MACROH2A2: variants seen among roughly 807,000 people sequenced by gnomAD.
The protein encoded by MACROH2A2 is core histone macro-H2A.2.
MACROH2A2 carries 6 observed loss-of-function variants against 37.6 expected under a neutral mutation model. The observed-to-expected ratio is 0.16, with a 90% CI of 0.09 to 0.32. The LOEUF is 0.32. Among genes scored for constraint, MACROH2A2 ranks in the 10% least tolerant of loss-of-function variants. The pLI, the probability that MACROH2A2 is intolerant of heterozygous loss-of-function variation, is 1.00. For synonymous variants in MACROH2A2, 192 were observed against 202.7 expected, an observed-to-expected ratio of 0.95 and a Z score of 0.45; for missense variants, 290 against 485.9, an observed-to-expected ratio of 0.60 and a Z score of 3.79.
chr10:70,091,780 C>T lies in MACROH2A2; in HGVS notation c.303C>T (p.Ala101=). 1.2e-6 allele frequency: 2 copies of T among 1,613,986 alleles called. No individual in the cohort carries two copies. Among genetic ancestry groups the T allele is most frequent in the Non-Finnish European group, 1.7e-6 (2 of 1,179,922 alleles). The change falls in exon 4 of 9, where the codon GCC becomes GCT. Residue 101 remains alanine (A), a synonymous_variant. Coordinates refer to ENST00000373255, the MANE Select transcript of MACROH2A2 (RefSeq NM_018649.3). ...AGCTGCTAAAAGGAGTGACCATCGC[C>T]AGTGGAGGCGTCCTGCCCAGAATTC... The part of the protein sequence containing the change: ...LNQLLKGVTI[A]SGGVLPRIHP...
chr10:70,068,738 G>A (rs1044797553), intron 1 of MACROH2A2, among the ~76,000 whole-genome samples: 6 of 152,232 alleles, frequency 3.9e-5, no homozygotes, highest in Admixed American at 3.9e-4. Flanking sequence ...AACTATGGCT[G>A]TATTCAAGGG....
At chr10:70,064,627 C>G (rs2072068720) in intron 1 of MACROH2A2, among the ~76,000 whole-genome samples, 1 of 152,160 alleles carries the variant, frequency 6.6e-6, no homozygotes, top group South Asian at 2.1e-4. Flanking sequence ...CTTTCCTGTG[C>G]TATTCTCCTG....
intron 1 of MACROH2A2, among the ~76,000 whole-genome samples, chr10:70,061,464 T>TTA (rs1262157232): frequency 6.6e-6 from 1 of 152,306 alleles, no homozygotes; most frequent in African/African-American, 2.4e-5. Flanking sequence ...ACAAGCTACA[T>TTA]TATAGATCAA....
At position 70,075,753 on chromosome 10, in the gene MACROH2A2, T is replaced by C; in HGVS notation, c.95T>C (p.Leu32Pro). The C allele has an allele frequency of 1.2e-6, 2 of 1,614,068 alleles. No homozygotes were observed. The highest frequency in any genetic ancestry group is 1.7e-6 in the Non-Finnish European group (2 of 1,179,976). Residue 32 changes from leucine (L) to proline (P), a missense_variant, in exon 2 of 9, where the codon CTG becomes CCG. Leu to Pro is a moderately conservative substitution (Grantham distance 98, BLOSUM62 -3). Transcript: ENST00000373255. The surrounding 1 kb of genome is among the most constrained non-coding windows in gnomAD (Gnocchi z 5.0). ...IFPVGRLMRY[L>P]KKGTFKYRIS... The stretch of plus-strand genomic sequence containing the variant: ...CCAGTGGGGAGGCTGATGCGTTATC[T>C]GAAGAAAGGGACGTTCAAGTACCGG...
In MACROH2A2 at chr10:70,111,666, A is replaced by G. The variant is rs1336736638; in HGVS notation, c.1102A>G (p.Lys368Glu). 1 of 1,608,598 alleles carries G rather than the reference A, an allele frequency of 6.2e-7. No individual in the cohort carries two copies. Among genetic ancestry groups the G allele is most frequent in the Admixed American group, 1.7e-5 (1 of 59,626 alleles). ...SIGIYVQEMA[K>E]LDAK Reference sequence around the variant, plus strand: ...CGGCATCTACGTGCAGGAGATGGCCAAGCTCGACGCCAAGTAGCCGCCGCA... The same window carrying G: ...CGGCATCTACGTGCAGGAGATGGCCGAGCTCGACGCCAAGTAGCCGCCGCA... Residue 368 changes from lysine (K) to glutamate (E), a missense_variant, in exon 9 of 9, where the codon AAG (lysine) becomes GAG (glutamate). Physicochemically the swap from Lys to Glu is moderately conservative, Grantham distance 56 (BLOSUM62 1). Around this residue, in one of 3 missense-constraint regions of MACROH2A2, gnomAD observed 130 missense variants for 257.1 expected, o/e 0.51. Transcript: ENST00000373255.
At chr10:70,080,018 G>A (rs781665107) in intron 2 of MACROH2A2, among the ~76,000 whole-genome samples, 67 of 152,170 alleles carry the variant, frequency 4.4e-4, no homozygotes, top group Non-Finnish European at 8.5e-4. Flanking sequence ...GGTGGCTCAC[G>A]CCTGTAATCC....
At chr10:70,065,880 T>C (rs1295180133) in intron 1 of MACROH2A2, among the ~76,000 whole-genome samples, 1 of 152,174 alleles carries the variant, frequency 6.6e-6, no homozygotes, top group African/African-American at 2.4e-5. Context: ...AACCAACTTA[T>C]TGCCAAATGC....
At chr10:70,056,144 G>A (rs1209105985) in intron 1 of MACROH2A2, among the ~76,000 whole-genome samples, 1 of 152,206 alleles carries the variant, frequency 6.6e-6, no homozygotes, top group Non-Finnish European at 1.5e-5. Flanking sequence ...CACTAAGAGA[G>A]ACAAGAACTA....
rs975776739 is a variant in MACROH2A2, at chr10:70,077,997, C to T, written c.172+2167C>T. Among the ~76,000 whole-genome samples the T allele has an allele frequency of 9.8e-5, 15 of 152,314 alleles. No individual in the cohort carries two copies. The East Asian group carries it at 1.2e-3, about 12-fold the overall frequency. On this transcript the variant is annotated intron_variant, in intron 2 of 8. Coordinates refer to ENST00000373255, the MANE Select transcript of MACROH2A2 (RefSeq NM_018649.3). Reference sequence around the variant, plus strand: ...CCCTCACGCCCTCGACCTCAAGCCACGCAGTTTTGCTGCCCTACACTACCC... The same window carrying T: ...CCCTCACGCCCTCGACCTCAAGCCATGCAGTTTTGCTGCCCTACACTACCC...
chr10:70,068,105 G>T (rs2136620299), intron 1 of MACROH2A2, among the ~76,000 whole-genome samples: 1 of 150,348 alleles, frequency 6.7e-6, no homozygotes, highest in Non-Finnish European at 1.5e-5. Flanking sequence ...ATTCCTTTTT[G>T]CTTTTTTTTT....
intron 1 of MACROH2A2, among the ~76,000 whole-genome samples, chr10:70,054,011 C>T (rs2071995006): frequency 2.6e-5 from 4 of 152,160 alleles, no homozygotes; most frequent in Admixed American, 6.5e-5. Context: ...CCCGGCCAGC[C>T]CCCCGGATCG....
chr10:70,100,261 C>T lies in MACROH2A2; in HGVS notation c.742C>T (p.Leu248Phe), dbSNP rs1177600699. ...AGAGTTCTTGGAAACGGTAAAGGAG[C>T]TTCGCAAATCCCAAGGCCCTTTGGA... ...GKEFLETVKELRKSQGPLEVA... is the reference protein window; with the variant it reads ...GKEFLETVKEFRKSQGPLEVA... The change falls in exon 7 of 9, where the codon CTT becomes TTT. Residue 248 changes from leucine (L) to phenylalanine (F), a missense_variant. Leu to Phe is a conservative substitution (Grantham distance 22). Transcript: ENST00000373255. 6.2e-7 allele frequency: 1 copy of T among 1,611,114 alleles called. No homozygotes were observed. Among genetic ancestry groups the T allele is most frequent in the Middle Eastern group, 1.7e-4 (1 of 6,056 alleles).
At chr10:70,072,824 G>A (rs977154792) in intron 1 of MACROH2A2, among the ~76,000 whole-genome samples, 3 of 152,122 alleles carry the variant, frequency 2.0e-5, no homozygotes, top group African/African-American at 4.8e-5. Flanking sequence ...AGGCATGGTG[G>A]TGCACACCGA....
chr10:70,072,711 C>A (rs2072117657), intron 1 of MACROH2A2, among the ~76,000 whole-genome samples: 1 of 152,126 alleles, frequency 6.6e-6, no homozygotes, highest in African/African-American at 2.4e-5. Context: ...AATCCCACCA[C>A]TTTGGGAGGC....
intron 2 of MACROH2A2, among the ~76,000 whole-genome samples, chr10:70,088,246 G>A (rs1310277801): frequency 2.7e-5 from 4 of 149,794 alleles, no homozygotes; most frequent in South Asian, 2.1e-4. Flanking sequence ...ACATATGCCC[G>A]CCTGCACACT....
At chr10:70,078,623 T>C (rs2072154832) in intron 2 of MACROH2A2, among the ~76,000 whole-genome samples, 1 of 152,234 alleles carries the variant, frequency 6.6e-6, no homozygotes, top group African/African-American at 2.4e-5. Flanking sequence ...GTAAAACACC[T>C]GGCGTATAGG....
Position 70,111,498 on chromosome 10 carries a change from C to T in MACROH2A2, c.954-20C>T, listed in dbSNP as rs200283643. ...CCCAGGGACCAAAATGACATCGGCT[C>T]TTCTTTTGCTTTGGCACAGAAACTG... On this transcript the variant is annotated intron_variant, in intron 8 of 8. Coordinates refer to ENST00000373255, the MANE Select transcript of MACROH2A2 (RefSeq NM_018649.3). 8.1e-5 allele frequency: 130 copies of T among 1,608,716 alleles called. No homozygotes were observed. Among genetic ancestry groups the T allele is most frequent in the Non-Finnish European group, 1.0e-4 (122 of 1,177,794 alleles).
chr10:70,066,436 G>A (rs1184270698), intron 1 of MACROH2A2, among the ~76,000 whole-genome samples: 2 of 152,192 alleles, frequency 1.3e-5, no homozygotes, highest in Non-Finnish European at 2.9e-5. Flanking sequence ...AAGTCATAGG[G>A]CCAAGGATGA....
chr10:70,097,595 A>G lies in MACROH2A2; in HGVS notation c.688+1842A>G, dbSNP rs540980573. Reference sequence around the variant, plus strand: ...ATGAAACCCTATGCAATCAGATGCAATAATCACCACCCATGGCCACCTTTG... The same window carrying G: ...ATGAAACCCTATGCAATCAGATGCAGTAATCACCACCCATGGCCACCTTTG... On this transcript the variant is annotated intron_variant, in intron 6 of 8. Coordinates refer to ENST00000373255, the MANE Select transcript of MACROH2A2 (RefSeq NM_018649.3). Among the ~76,000 whole-genome samples the G allele has an allele frequency of 1.3e-3, 200 of 152,348 alleles. 1 individual carries two copies. Among genetic ancestry groups the G allele is most frequent in the African/African-American group, 4.5e-3 (186 of 41,576 alleles).
Sources: allele counts gnomAD v4.1 joint callset (sites outside exome capture counted in the v4.1 genomes callset), GRCh38; gene constraint gnomAD v4.1.1; regional missense constraint gnomAD v4.1.1; non-coding constraint Gnocchi (gnomAD v3.1); transcripts MANE v1.5; gene names NCBI Gene and HGNC (gene_info 2026-07-23, HGNC 2026-07-21).